The following DACH2 variants were observed in gnomAD, a reference collection of about 807,000 sequenced individuals.
DACH2 encodes dachshund homolog 2.
Under a neutral mutation model 35.8 loss-of-function variants are expected in DACH2, and 17 were observed. The observed-to-expected ratio is 0.48, with a 90% CI of 0.33 to 0.71. The LOEUF is 0.71. DACH2 is among the 30% of genes least tolerant of loss of function. DACH2 has a pLI of 0.02. For missense variants in DACH2, 469 were observed against 472.7 expected, an observed-to-expected ratio of 0.99 and a Z score of 0.07; for synonymous variants, 195 against 177.3, an observed-to-expected ratio of 1.10 and a Z score of -0.79.
rs1402135942 is a variant in DACH2 at position 86,148,642 on chromosome X, G to A, written c.22G>A (p.Val8Met). 1 of 1,176,982 alleles carries A rather than the reference G, an allele frequency of 8.5e-7. No homozygotes were observed. The highest frequency in any genetic ancestry group is 1.1e-6 in the Non-Finnish European group (1 of 878,683). Reference sequence around the variant, plus strand: ...GACCATGGCTGTCTCCGCATCTCCAGTGATCTCTGCAACTTCCAGCGGCGC... The same window carrying A: ...GACCATGGCTGTCTCCGCATCTCCAATGATCTCTGCAACTTCCAGCGGCGC... MAVSASP[V>M]ISATSSGAGV... Residue 8 changes from valine to methionine, a missense_variant, in exon 1 of 12, where the codon GTG becomes ATG. Coordinates refer to ENST00000373125, the MANE Select transcript of DACH2 (RefSeq NM_053281.3).
intron 7 of DACH2, among the ~76,000 whole-genome samples, chrX:86,750,622 A>G (rs963346454): frequency 1.8e-5 from 2 of 111,057 alleles, no homozygotes; most frequent in Non-Finnish European, 3.8e-5. Context: ...CCTGGCGACG[A>G]CTATTCACTC....
At chrX:86,406,855 T>C (rs1000703247) in intron 2 of DACH2, among the ~76,000 whole-genome samples, 1 of 112,009 alleles carries the variant, frequency 8.9e-6, no homozygotes, top group Non-Finnish European at 1.9e-5. Context: ...TATTCTTAGA[T>C]CTAAATTTAA....
Position 86,388,645 on chromosome X carries a change from A to G in DACH2, c.527+11783A>G, listed in dbSNP as rs181780043. The stretch of plus-strand genomic sequence containing the variant: ...CTTTGGAAACTGCAAAAATATTTCA[A>G]TCAAATTCTAGGCTTTGGGATTAGT... On this transcript the variant is annotated intron_variant, in intron 2 of 11. Coordinates refer to ENST00000373125, the MANE Select transcript of DACH2 (RefSeq NM_053281.3). Among the ~76,000 whole-genome samples the G allele has an allele frequency of 1.2e-4, 13 of 112,061 alleles. No homozygotes were observed. The South Asian group carries it at 4.8e-3, about 42-fold the overall frequency.
rs755635542 is a variant in DACH2 at position 86,331,463 on chromosome X, AAAACAAAC to A, written c.489-45341_489-45334del. Among the ~76,000 whole-genome samples the A allele has an allele frequency of 7.9e-4, 87 of 110,574 alleles. No homozygotes were observed. The East Asian group carries it at 0.024, about 31-fold the overall frequency. On this transcript the variant is annotated intron_variant, in intron 1 of 11. Transcript: ENST00000373125. ...AATTAGAATGTAAATCCTGGAAGATAAAACAAACAAACAAACAAACAAACAAAAAAACA... is the reference window on the plus strand; with the variant it reads ...AATTAGAATGTAAATCCTGGAAGATAAAACAAACAAACAAACAAAAAAACA...
At chrX:86,820,188 A>G (rs1301046912) in intron 11 of DACH2, among the ~76,000 whole-genome samples, 3 of 111,965 alleles carry the variant, frequency 2.7e-5, no homozygotes, top group Non-Finnish European at 5.7e-5. Context: ...TTTGGGGAAA[A>G]AAAATAAACC....
intron 1 of DACH2, among the ~76,000 whole-genome samples, chrX:86,356,111 CTA>C (rs1185605768): frequency 9.0e-6 from 1 of 111,429 alleles, no homozygotes; most frequent in East Asian, 2.8e-4. Flanking sequence ...TTGCCAGAGC[CTA>C]TGTCTAAAAT....
chrX:86,434,196 T>C (rs2037030335), intron 2 of DACH2, among the ~76,000 whole-genome samples: 2 of 112,234 alleles, frequency 1.8e-5, no homozygotes, highest in African/African-American at 3.2e-5. Context: ...TTTTATTTTT[T>C]TATTTTTATT....
At chrX:86,488,688 T>C (rs2038051850) in intron 2 of DACH2, among the ~76,000 whole-genome samples, 1 of 111,615 alleles carries the variant, frequency 9.0e-6, no homozygotes, top group Admixed American at 9.6e-5. Context: ...CCACAATGTA[T>C]ACATGTATTG....
At chrX:86,467,985 T>C (rs1321653758) in intron 2 of DACH2, among the ~76,000 whole-genome samples, 1 of 111,276 alleles carries the variant, frequency 9.0e-6, no homozygotes, top group South Asian at 3.8e-4. Context: ...GGAACTACAA[T>C]GCAAGATGAG....
At chrX:86,546,407 T>C (rs866564447) in intron 3 of DACH2, among the ~76,000 whole-genome samples, 2 of 87,341 alleles carry the variant, frequency 2.3e-5, no homozygotes, top group Non-Finnish European at 4.4e-5. Flanking sequence ...TCTTCTTCCT[T>C]CTTCTTCTTC....
At chrX:86,751,428 A>G (rs899358626) in intron 7 of DACH2, among the ~76,000 whole-genome samples, 5 of 111,523 alleles carry the variant, frequency 4.5e-5, no homozygotes, top group Non-Finnish European at 1.9e-5. Flanking sequence ...ACACACAATT[A>G]TCTCAACAGA....
At chrX:86,171,539 G>A (rs938381724) in intron 1 of DACH2, among the ~76,000 whole-genome samples, 2 of 111,755 alleles carry the variant, frequency 1.8e-5, no homozygotes, top group Non-Finnish European at 3.8e-5. Flanking sequence ...CTGGGATTGG[G>A]GATTCCCCTC....
rs1465936573 is a variant in DACH2 at position 86,296,165 on chromosome X, G to A, written c.489-80659G>A. Among the ~76,000 whole-genome samples the A allele has an allele frequency of 5.6e-5, 6 of 106,948 alleles. No individual in the cohort carries two copies. The East Asian group carries it at 1.8e-3, about 32-fold the overall frequency. The allele number at this position is 106,948 out of a possible 115,157, so 92.9% of individuals were successfully genotyped here. On this transcript the variant is annotated intron_variant, in intron 1 of 11. Transcript: ENST00000373125. ...GAGGCCGAGGCGGGCGGATCACGAG[G>A]TCAGGAGATCGAGACCATCCTGGCT...
chrX:86,774,077 T>C, intron 7 of DACH2, among the ~76,000 whole-genome samples: 1 of 111,484 alleles, frequency 9.0e-6, no homozygotes, highest in Middle Eastern at 4.7e-3. Flanking sequence ...CCCACAAAAA[T>C]TAAAAATCAA....
intron 2 of DACH2, among the ~76,000 whole-genome samples, chrX:86,383,769 T>A (rs1425143815): frequency 9.2e-6 from 1 of 108,350 alleles, no homozygotes; most frequent in Admixed American, 1.0e-4. Flanking sequence ...ACTAAGATAA[T>A]GTTGTTTACA....
intron 1 of DACH2, among the ~76,000 whole-genome samples, chrX:86,356,550 T>G (rs1186236779): frequency 3.6e-5 from 4 of 111,657 alleles, no homozygotes; most frequent in Non-Finnish European, 7.5e-5. Flanking sequence ...TTTAGAAGAA[T>G]TGTTTCTAAT....
intron 2 of DACH2, among the ~76,000 whole-genome samples, chrX:86,419,174 C>T (rs2036758913): frequency 8.9e-6 from 1 of 111,779 alleles, no homozygotes; most frequent in African/African-American, 3.3e-5. Context: ...CTTCTGAGCC[C>T]TCCAAACTGT....
At chrX:86,177,082 G>A (rs1014663413) in intron 1 of DACH2, among the ~76,000 whole-genome samples, 2 of 111,461 alleles carry the variant, frequency 1.8e-5, no homozygotes, top group South Asian at 3.8e-4. Flanking sequence ...GAGTAAATGG[G>A]GTATCCATCA....
chrX:86,218,590 C>T (rs1202559587), intron 1 of DACH2, among the ~76,000 whole-genome samples: 1 of 111,635 alleles, frequency 9.0e-6, no homozygotes, highest in East Asian at 2.8e-4. Context: ...TTGTAAATCT[C>T]GTGTATAATT....
Sources: allele counts gnomAD v4.1 joint callset (sites outside exome capture counted in the v4.1 genomes callset), GRCh38; gene constraint gnomAD v4.1.1; transcripts MANE v1.5; gene names NCBI Gene and HGNC (gene_info 2026-07-23, HGNC 2026-07-21).